Variants in HAUS6 observed in about 807,000 individuals in gnomAD.
HAUS6 encodes the protein HAUS augmin like complex subunit 6.
HAUS6 carries 80 observed loss-of-function variants against 106.8 expected under a neutral mutation model. The ratio of observed to expected loss-of-function variants is 0.75; its 90% confidence interval spans 0.63 to 0.90. HAUS6 has a LOEUF of 0.90. Ranked by LOEUF, HAUS6 falls within the 40% of genes least tolerant of loss-of-function variation. The probability of loss-of-function intolerance (pLI) is 0.00; values close to 1 mark genes in which losing one functional copy is unlikely to be tolerated. For synonymous variants in HAUS6, 356 were observed against 379.1 expected, an observed-to-expected ratio of 0.94 and a Z score of 0.71; for missense variants, 1,155 against 1,118.1, an observed-to-expected ratio of 1.03 and a Z score of -0.47.
At chr9:19,098,078 CT>C (rs1400156642) in intron 1 of HAUS6, among the ~76,000 whole-genome samples, 1 of 152,196 alleles carries the variant, frequency 6.6e-6, no homozygotes, top group Non-Finnish European at 1.5e-5. Context: ...ACCTTGTTCT[CT>C]TCTCTTTGAC....
chr9:19,055,784 A>G lies in HAUS6; in HGVS notation c.*559T>C, dbSNP rs1836455597. ...TCACTTCTCAGGATCATTCTACCTG[A>G]AGAATCATTAAGCCTGTTTAGAGCT... is the stretch of plus-strand genomic sequence containing the variant. On this transcript the variant is annotated 3_prime_UTR_variant, in exon 17 of 17. Transcript: ENST00000380502. 2.0e-5 allele frequency: 3 copies of G among 152,228 alleles called. No homozygotes were observed. Among genetic ancestry groups the G allele is most frequent in the Admixed American group, 2.0e-4 (3 of 15,280 alleles). The allele number at this position is 152,228 out of a possible 1,614,324, so 9.4% of individuals were successfully genotyped here.
chr9:19,076,147 C>T (rs1006334222), intron 11 of HAUS6, among the ~76,000 whole-genome samples: 4 of 151,042 alleles, frequency 2.6e-5, no homozygotes, highest in African/African-American at 9.8e-5. Context: ...ATCATTTGAG[C>T]CCAGGAGTTC....
At chr9:19,101,389 G>C (rs1056452592) in intron 1 of HAUS6, among the ~76,000 whole-genome samples, 4 of 152,082 alleles carry the variant, frequency 2.6e-5, no homozygotes, top group African/African-American at 9.7e-5. Flanking sequence ...TACTCAGGAG[G>C]GTGAAGTGGG....
chr9:19,073,312 G>A (rs150149615), intron 11 of HAUS6, among the ~76,000 whole-genome samples: 2 of 151,822 alleles, frequency 1.3e-5, no homozygotes, highest in Non-Finnish European at 2.9e-5. Context: ...CATTTTTAAA[G>A]TAAATTAAGT....
At chr9:19,080,742 T>C in intron 8 of HAUS6, 70 bp from the exon 9 acceptor site, 3 of 841,486 alleles carry the variant, frequency 3.6e-6, no homozygotes, top group South Asian at 3.4e-5. Flanking sequence ...CATAAAAATA[T>C]TTATGTTTTT....
In HAUS6 at chr9:19,063,022, G is replaced by T. The variant is rs746401959; in HGVS notation, c.1615C>A (p.His539Asn). The change falls in exon 14 of 17, where the codon CAT (histidine) becomes AAT (asparagine). Residue 539 changes from histidine to asparagine, a missense_variant. By Grantham distance (68) the His-to-Asn change is moderately conservative. Around this residue, in one of 3 missense-constraint regions of HAUS6, gnomAD observed 761 missense variants for 690.0 expected, o/e 1.10. Coordinates refer to ENST00000380502, the MANE Select transcript of HAUS6 (RefSeq NM_017645.5). ...TCTTTTCTCACCTCTTCTACCAGAT[G>T]ATCTTGCTCTTTTTGAAATGGATCA... ...KSDPFQKEQDHLVEEVARAVL... is the reference protein window; with the variant it reads ...KSDPFQKEQDNLVEEVARAVL... 1.9e-6 allele frequency: 3 copies of T among 1,609,126 alleles called. No individual in the cohort carries two copies.
chr9:19,095,906 A>T (rs927492199), intron 2 of HAUS6, among the ~76,000 whole-genome samples: 4 of 152,178 alleles, frequency 2.6e-5, no homozygotes, highest in Non-Finnish European at 4.4e-5. Context: ...AAAGCAATTG[A>T]TGCTTTAATA....
At chr9:19,063,772 T>G (rs752691300) in intron 12 of HAUS6, 192 bp from the exon 13 acceptor site, 2 of 742,058 alleles carry the variant, frequency 2.7e-6, no homozygotes, top group East Asian at 2.6e-5. Flanking sequence ...GCCCAATTTG[T>G]GTATCAGCCT....
intron 1 of HAUS6, among the ~76,000 whole-genome samples, chr9:19,101,542 C>T (rs561859412): frequency 1.3e-5 from 2 of 152,086 alleles, no homozygotes; most frequent in Admixed American, 6.6e-5. Flanking sequence ...TTTGGAAGAC[C>T]GAAGCAGGAG....
At chr9:19,098,722 T>A (rs1306424640) in intron 1 of HAUS6, among the ~76,000 whole-genome samples, 1 of 54,042 alleles carries the variant, frequency 1.9e-5, no homozygotes, top group Non-Finnish European at 4.3e-5. Flanking sequence ...ACATTATGTT[T>A]AACATTTAAA....
chr9:19,091,311 A>G (rs1817742086), intron 4 of HAUS6, among the ~76,000 whole-genome samples: 1 of 152,056 alleles, frequency 6.6e-6, no homozygotes, highest in Non-Finnish European at 1.5e-5. Context: ...GAAAAAAAAA[A>G]AAAGAAACCA....
intron 12 of HAUS6, 123 bp from the exon 13 acceptor site, chr9:19,063,703 C>T (rs576746706): frequency 1.7e-5 from 14 of 800,972 alleles, no homozygotes; most frequent in Admixed American, 1.2e-4. Context: ...CAATTCGTCC[C>T]GGTCATCAAA....
chr9:19,074,068 G>C (rs949068813), intron 11 of HAUS6: 3 of 152,270 alleles, frequency 2.0e-5, no homozygotes, highest in African/African-American at 7.2e-5. Flanking sequence ...GCAACACGGT[G>C]AAACCCTGTC....
At chr9:19,090,953 A>C (rs1170932602) in intron 4 of HAUS6, among the ~76,000 whole-genome samples, 1 of 152,168 alleles carries the variant, frequency 6.6e-6, no homozygotes, top group African/African-American at 2.4e-5. Context: ...AAAATCAGGG[A>C]CTTCCACAAT....
At chr9:19,099,514 G>C (rs1817942736) in intron 1 of HAUS6, among the ~76,000 whole-genome samples, 1 of 152,030 alleles carries the variant, frequency 6.6e-6, no homozygotes, top group Non-Finnish European at 1.5e-5. Flanking sequence ...ACCCAGGCTG[G>C]AGTGCAGTGC....
chr9:19,088,665 C>T (rs1166939126), intron 5 of HAUS6, among the ~76,000 whole-genome samples: 4 of 148,664 alleles, frequency 2.7e-5, no homozygotes, highest in Admixed American at 6.8e-5. Context: ...GTCAGGAGTT[C>T]GAGACCAGCA....
chr9:19,063,746 G>A (rs762260650), intron 12 of HAUS6, 166 bp from the exon 13 acceptor site: 2 of 756,658 alleles, frequency 2.6e-6, no homozygotes, highest in Admixed American at 1.7e-5. Flanking sequence ...ATGGTGACAA[G>A]TAGAGCAGTA....
intron 4 of HAUS6, among the ~76,000 whole-genome samples, chr9:19,090,728 T>C (rs1484093680): frequency 6.6e-6 from 1 of 152,192 alleles, no homozygotes; most frequent in Admixed American, 6.5e-5. Flanking sequence ...ATCATCTCCA[T>C]TGCTGCCATC....
intron 3 of HAUS6, 116 bp downstream of exon 3, chr9:19,094,201 C>G (rs922227024): frequency 7.1e-6 from 4 of 565,014 alleles, no homozygotes; most frequent in Non-Finnish European, 1.2e-5. Context: ...CTAATATTTC[C>G]TTGCTTATAC....
Sources: allele counts gnomAD v4.1 joint callset (sites outside exome capture counted in the v4.1 genomes callset), GRCh38; gene constraint gnomAD v4.1.1; regional missense constraint gnomAD v4.1.1; transcripts MANE v1.5; gene names NCBI Gene and HGNC (gene_info 2026-07-23, HGNC 2026-07-21).